The following BMPER variants were observed in gnomAD, a reference collection of about 807,000 sequenced individuals.
The protein encoded by BMPER is BMP-binding endothelial regulator protein.
In BMPER, 45 loss-of-function variants were observed where a neutral mutation model predicts 87.3. The ratio of observed to expected loss-of-function variants is 0.52; its 90% confidence interval spans 0.41 to 0.66. BMPER has a LOEUF of 0.66. Ranked by LOEUF, BMPER falls within the 30% of genes least tolerant of loss-of-function variation. The pLI is 0.00. For synonymous variants in BMPER, 326 were observed against 316.2 expected (o/e 1.03, Z -0.33); for missense variants, 784 against 867.5 (o/e 0.90, Z 1.21).
At chr7:34,024,373 A>C (rs1337469659) in intron 6 of BMPER, among the ~76,000 whole-genome samples, 8 of 98,878 alleles carry the variant, frequency 8.1e-5, no homozygotes, top group Non-Finnish European at 1.3e-4. Flanking sequence ...AAAAAAAAAA[A>C]AAAAAAAAAC....
At chr7:34,047,405 A>G (rs1788003788) in intron 7 of BMPER, among the ~76,000 whole-genome samples, 1 of 151,990 alleles carries the variant, frequency 6.6e-6, no homozygotes, top group Admixed American at 6.6e-5. Context: ...CAGCCTCCCA[A>G]GTAGCTGGGA....
At chr7:34,134,014 G>A (rs763508770) in intron 13 of BMPER, among the ~76,000 whole-genome samples, 9 of 152,084 alleles carry the variant, frequency 5.9e-5, no homozygotes, top group African/African-American at 9.7e-5. Flanking sequence ...ATGAGATTTC[G>A]TGAAAAAGAT....
rs115883492 is a variant in BMPER, at chr7:34,014,545, A to G, written c.577-31761A>G. Among the ~76,000 whole-genome samples the G allele has an allele frequency of 6.7e-3, 1,016 of 151,988 alleles. 11 individuals are homozygous for G. Among genetic ancestry groups the G allele is most frequent in the African/African-American group, 0.023 (952 of 41,512 alleles). ...ATCAAAGCAGCCCATTCATCCCTGT[A>G]GGTCTGTTGAGTCTTCTGGCCTTAC... On this transcript the variant is annotated intron_variant, in intron 6 of 14. Coordinates refer to ENST00000649409, the MANE Select transcript of BMPER (RefSeq NM_001365308.1).
intron 6 of BMPER, among the ~76,000 whole-genome samples, chr7:34,013,560 G>A (rs1786939282): frequency 6.6e-6 from 1 of 151,854 alleles, no homozygotes; most frequent in Non-Finnish European, 1.5e-5. Context: ...TGTTGTAAGT[G>A]TACAATTCCA....
chr7:33,987,725 G>C (rs1487430642), intron 6 of BMPER, among the ~76,000 whole-genome samples: 8 of 151,976 alleles, frequency 5.3e-5, no homozygotes, highest in Admixed American at 5.2e-4. Context: ...GATACACAGA[G>C]TCAGACAATG....
In BMPER at chr7:34,131,439, A is replaced by T. The variant is rs1790586211; in HGVS notation, c.1746-11791A>T. ...CTGAAAAAGTTCACCACTGTACCGC[A>T]TCCTCCAGGGGCAGCCGCCTCTGCC... is the stretch of plus-strand genomic sequence containing the variant. On this transcript the variant is annotated intron_variant, in intron 13 of 14. Transcript: ENST00000649409. Among the ~76,000 whole-genome samples, 3 of 152,170 alleles carry T rather than the reference A, an allele frequency of 2.0e-5. No individual in the cohort carries two copies. In the South Asian group the frequency reaches 6.2e-4, roughly 31 times the overall value.
intron 6 of BMPER, among the ~76,000 whole-genome samples, chr7:34,011,449 A>G (rs973743826): frequency 1.9e-4 from 29 of 151,880 alleles, no homozygotes; most frequent in African/African-American, 6.5e-4. Flanking sequence ...TGTATATGCA[A>G]AGTTTCACAA....
chr7:33,963,705 A>G (rs1179445129), intron 3 of BMPER, among the ~76,000 whole-genome samples: 2 of 152,146 alleles, frequency 1.3e-5, no homozygotes, highest in Non-Finnish European at 2.9e-5. Context: ...GAGTAGGAGA[A>G]TCACTTGAAC....
At chr7:33,949,123 C>T (rs2128612703) in intron 3 of BMPER, among the ~76,000 whole-genome samples, 1 of 152,224 alleles carries the variant, frequency 6.6e-6, no homozygotes, top group East Asian at 1.9e-4. Context: ...ACTAATTGTC[C>T]TTTATCTGGG....
At chr7:34,134,617 A>G (rs912254194) in intron 13 of BMPER, among the ~76,000 whole-genome samples, 2 of 152,168 alleles carry the variant, frequency 1.3e-5, no homozygotes, top group African/African-American at 2.4e-5. Context: ...GTTACTGGTT[A>G]TATAGTCTCT....
intron 6 of BMPER, among the ~76,000 whole-genome samples, chr7:34,000,988 T>C (rs1270266425): frequency 6.6e-6 from 1 of 152,046 alleles, no homozygotes; most frequent in East Asian, 1.9e-4. Context: ...TGATGCTTTA[T>C]ATTAATTTTC....
At chr7:33,994,341 C>G (rs558728530) in intron 6 of BMPER, among the ~76,000 whole-genome samples, 2 of 152,210 alleles carry the variant, frequency 1.3e-5, no homozygotes, top group African/African-American at 2.4e-5. Context: ...TTTTTAAGCC[C>G]GTCGGAAAAG....
intron 6 of BMPER, among the ~76,000 whole-genome samples, chr7:33,986,856 A>T (rs1024444371): frequency 6.6e-6 from 1 of 152,222 alleles, no homozygotes; most frequent in African/African-American, 2.4e-5. Context: ...GTCCATTATT[A>T]GCCAGATAAC....
At chr7:34,026,482 G>C (rs1787359213) in intron 6 of BMPER, among the ~76,000 whole-genome samples, 1 of 152,048 alleles carries the variant, frequency 6.6e-6, no homozygotes, top group Admixed American at 6.6e-5. Context: ...CCATGTTGTT[G>C]ACTTCAGCAC....
chr7:34,115,413 A>G (rs1489256154), intron 13 of BMPER, among the ~76,000 whole-genome samples: 4 of 152,328 alleles, frequency 2.6e-5, no homozygotes, highest in East Asian at 1.9e-4. Flanking sequence ...TTTCACAGCT[A>G]TGTGCATATA....
At chr7:33,972,683 G>A (rs775045373) in intron 5 of BMPER, among the ~76,000 whole-genome samples, 7 of 152,130 alleles carry the variant, frequency 4.6e-5, no homozygotes, top group Non-Finnish European at 8.8e-5. Flanking sequence ...CACACACCGC[G>A]AGAATTGAGA....
At chr7:33,993,517 T>G (rs1411204801) in intron 6 of BMPER, among the ~76,000 whole-genome samples, 1 of 151,868 alleles carries the variant, frequency 6.6e-6, no homozygotes, top group Non-Finnish European at 1.5e-5. Flanking sequence ...TTATACATTC[T>G]TCTAAATTTT....
At chr7:34,141,067 G>T (rs1326605348) in intron 13 of BMPER, among the ~76,000 whole-genome samples, 3 of 152,222 alleles carry the variant, frequency 2.0e-5, no homozygotes, top group Non-Finnish European at 4.4e-5. Context: ...TCGCTGTGAA[G>T]TCTGAGCGTA....
chr7:33,911,350 G>A (rs957808765), intron 2 of BMPER, among the ~76,000 whole-genome samples: 1 of 152,212 alleles, frequency 6.6e-6, no homozygotes, highest in Non-Finnish European at 1.5e-5. Context: ...GTTACTAAGA[G>A]ACAGAACTGG....
Sources: allele counts gnomAD v4.1 joint callset (sites outside exome capture counted in the v4.1 genomes callset), GRCh38; gene constraint gnomAD v4.1.1; transcripts MANE v1.5; gene names NCBI Gene and HGNC (gene_info 2026-07-23, HGNC 2026-07-21).